Variants in EZH1 observed in about 807,000 individuals in gnomAD.
The protein encoded by EZH1 is enhancer of zeste 1 polycomb repressive complex 2 subunit.
Under a neutral mutation model 100.5 loss-of-function variants are expected in EZH1, and 33 were observed. The ratio of observed to expected loss-of-function variants is 0.33; its 90% CI spans 0.25 to 0.44. EZH1 has a LOEUF of 0.44. Ranked by LOEUF, EZH1 falls within the 20% of genes least tolerant of loss-of-function variation. The probability of loss-of-function intolerance (pLI) is 1.00; values close to 1 mark genes in which losing one functional copy is unlikely to be tolerated. For synonymous variants in EZH1, 272 were observed against 313.8 expected (o/e 0.87, Z 1.41); for missense variants, 475 against 928.4 (o/e 0.51, Z 6.35).
chr17:42,725,968 T>TC (rs2143821065), intron 4 of EZH1, among the ~76,000 whole-genome samples: 1 of 151,836 alleles, frequency 6.6e-6, no homozygotes, highest in African/African-American at 2.4e-5. Flanking sequence ...AACCTCCGCC[T>TC]CCCAGGTTCA....
chr17:42,718,009 T>C lies in EZH1; in HGVS notation c.990A>G (p.Pro330=). 6.2e-7 allele frequency: 1 copy of C among 1,614,232 alleles called. No individual in the cohort carries two copies. Among genetic ancestry groups the C allele is most frequent in the East Asian group, 2.2e-5 (1 of 44,886 alleles). The change falls in exon 10 of 21, where the codon CCA becomes CCG. Residue 330 remains proline, a synonymous_variant. Transcript: ENST00000428826. This position sits in a 1 kb window ranked among gnomAD's most constrained non-coding sequence, Gnocchi z 4.2. ...GGAAGCAGTCTGTGCCACATGGTTC[T>C]GGTTCAATCTTGATTTCTTTATTCT... is the stretch of plus-strand genomic sequence containing the variant. The part of the protein sequence containing the change: ...KRKNKEIKIE[P]EPCGTDCFLL...
intron 12 of EZH1, 118 bp downstream of exon 12, chr17:42,712,171 T>C: frequency 9.1e-7 from 1 of 1,098,970 alleles, no homozygotes; most frequent in Non-Finnish European, 1.3e-6. Context: ...CATCAGGGAC[T>C]GAACTTAAGA....
chr17:42,723,365 C>T (rs1475630400), intron 5 of EZH1, among the ~76,000 whole-genome samples: 1 of 122,260 alleles, frequency 8.2e-6, no homozygotes, highest in Non-Finnish European at 1.7e-5. Flanking sequence ...CACAGTGAGA[C>T]TCCGTCTCAA....
intron 2 of EZH1, among the ~76,000 whole-genome samples, 183 bp downstream of exon 2, chr17:42,730,645 C>A (rs12938365): frequency 0.48 from 71,396 of 149,658 alleles, 17,164 homozygotes; most frequent in Non-Finnish European, 0.53. Flanking sequence ...TACAGGCGCC[C>A]GCTACCACGC....
intron 6 of EZH1, among the ~76,000 whole-genome samples, chr17:42,721,356 T>C (rs1168498199): frequency 6.6e-6 from 1 of 152,170 alleles, no homozygotes. Flanking sequence ...TATGACTAAA[T>C]CCAAACAATT....
intron 6 of EZH1, among the ~76,000 whole-genome samples, chr17:42,720,886 G>A (rs2053693183): frequency 6.6e-6 from 1 of 152,052 alleles, no homozygotes; most frequent in South Asian, 2.1e-4. Context: ...CCAGACCTCA[G>A]GTGATCCGCC....
chr17:42,743,988 G>A (rs930875038), intron 1 of EZH1, among the ~76,000 whole-genome samples: 1 of 152,090 alleles, frequency 6.6e-6, no homozygotes, highest in Non-Finnish European at 1.5e-5. Flanking sequence ...GGCAGCAAAC[G>A]TGGAGGAGAC....
chr17:42,706,474 C>T lies in EZH1; in HGVS notation c.1661-289G>A, dbSNP rs2053355861. On this transcript the variant is annotated intron_variant, in intron 15 of 20. Coordinates refer to ENST00000428826, the MANE Select transcript of EZH1 (RefSeq NM_001991.5). The surrounding 1 kb of genome is among the most constrained non-coding windows in gnomAD (Gnocchi z 4.4). ...CCAAGGCAGGAGAATCACCTGAGCC[C>T]AGGAGTTCAAAACCAGGCTGGGCAA... 6.6e-6 allele frequency among the ~76,000 whole-genome samples: 1 copy of T among 151,716 alleles called. No homozygotes were observed. The highest frequency in any genetic ancestry group is 2.1e-4 in the South Asian group (1 of 4,802).
At chr17:42,735,299 C>A (rs60963845) in intron 1 of EZH1, among the ~76,000 whole-genome samples, 5,862 of 151,708 alleles carry the variant, frequency 0.039, 339 homozygotes, top group African/African-American at 0.12. Context: ...TTGGCACACA[C>A]CTGAAACTCA....
intron 10 of EZH1, among the ~76,000 whole-genome samples, chr17:42,717,545 G>A (rs2053628854): frequency 1.3e-5 from 2 of 152,106 alleles, no homozygotes; most frequent in Admixed American, 1.3e-4. Context: ...GCTTCTTAAG[G>A]TCTGTCCATC....
chr17:42,704,655 C>T lies in EZH1; in HGVS notation c.1964G>A (p.Arg655His). Residue 655 changes from arginine (R) to histidine (H), a missense_variant, in exon 18 of 21, where the codon CGC becomes CAC. Arg to His is a conservative substitution (Grantham distance 29, BLOSUM62 0). Around this residue, in one of 8 missense-constraint regions of EZH1, gnomAD observed 49 missense variants for 164.2 expected, o/e 0.30. Transcript: ENST00000428826. ...ELISQDEADR[R>H]GKVYDKYMSS... ...CATGTATTTGTCATAGACCTTTCCG[C>T]GTCGATCAGCCTCATCCTGAGAGAT... 6.2e-7 allele frequency: 1 copy of T among 1,613,988 alleles called. No homozygotes were observed. Among genetic ancestry groups the T allele is most frequent in the Non-Finnish European group, 8.5e-7 (1 of 1,179,968 alleles).
In EZH1 at chr17:42,718,276, G is replaced by A. The variant is rs775995681; in HGVS notation, c.931+178C>T. The A allele has an allele frequency of 1.2e-5, 11 of 900,010 alleles. No homozygotes were observed. The highest frequency in any genetic ancestry group is 1.8e-5 in the Non-Finnish European group (11 of 601,760). The allele number at this position is 900,010 out of a possible 1,614,324, so 55.8% of individuals were successfully genotyped here. On this transcript the variant is annotated intron_variant, in intron 9 of 20. Coordinates refer to ENST00000428826, the MANE Select transcript of EZH1 (RefSeq NM_001991.5). This position sits in a 1 kb window ranked among gnomAD's most constrained non-coding sequence, Gnocchi z 4.2. ...GGACAGATAAGTTGCTAGTTAGTCT[G>A]TCCCTATCATGCAAAGCATGTTGCA...
chr17:42,733,385 C>A (rs941568298), intron 1 of EZH1, among the ~76,000 whole-genome samples: 1 of 150,562 alleles, frequency 6.6e-6, no homozygotes, highest in Non-Finnish European at 1.5e-5. Context: ...CGCCTGTAAT[C>A]CCAGCCAGCA....
rs528552438 is a variant in EZH1 at position 42,735,093 on chromosome 17, G to T, written c.-102-4175C>A. Among the ~76,000 whole-genome samples the T allele has an allele frequency of 1.2e-3, 177 of 152,286 alleles. 1 individual carries two copies. The highest frequency in any genetic ancestry group is 1.8e-3 in the Non-Finnish European group (120 of 68,018). ...GCAGGGAGGGAAAGAAAAGAAAAAA[G>T]AAGTATTAAGTAATGGAATAGAACA... On this transcript the variant is annotated intron_variant, in intron 1 of 20. Transcript: ENST00000428826.
At chr17:42,735,933 C>T (rs2054056707) in intron 1 of EZH1, among the ~76,000 whole-genome samples, 1 of 151,756 alleles carries the variant, frequency 6.6e-6, no homozygotes, top group Admixed American at 6.6e-5. Context: ...TGCAGTGGGC[C>T]AAAATCGTGC....
rs1788663134 is a variant in EZH1, at chr17:42,702,223, G to A, written c.*309C>T. On this transcript the variant is annotated 3_prime_UTR_variant, in exon 21 of 21. Transcript: ENST00000428826. ...TTGATTCCTGAGGCCACAGCCTGGG[G>A]AGCCGACACGAAATCACGCATAAGT... 2 of 308,048 alleles carry A rather than the reference G, an allele frequency of 6.5e-6. No individual in the cohort carries two copies. The highest frequency in any genetic ancestry group is 1.1e-4 in the South Asian group (1 of 9,032). The allele number at this position is 308,048 out of a possible 1,614,324, so 19.1% of individuals were successfully genotyped here.
At chr17:42,725,165 C>CA (rs1054965483) in intron 4 of EZH1, among the ~76,000 whole-genome samples, 31 of 151,190 alleles carry the variant, frequency 2.1e-4, no homozygotes, top group Middle Eastern at 6.8e-3. Context: ...TACTCCGTCT[C>CA]AAAAAAAACA....
At chr17:42,730,099 A>G (rs2053911161) in intron 2 of EZH1, among the ~76,000 whole-genome samples, 1 of 152,158 alleles carries the variant, frequency 6.6e-6, no homozygotes, top group South Asian at 2.1e-4. Flanking sequence ...ATTTCACATC[A>G]GCAATTTGTG....
chr17:42,713,331 C>T lies in EZH1; in HGVS notation c.1082G>A (p.Arg361His), dbSNP rs1396223464. Residue 361 changes from arginine (R) to histidine (H), a missense_variant, in exon 11 of 21, where the codon CGC becomes CAC. By Grantham distance (29) the Arg-to-His change is conservative. Coordinates refer to ENST00000428826, the MANE Select transcript of EZH1 (RefSeq NM_001991.5). Reference sequence around the variant, plus strand: ...ACTGACTATGTGGTGCCTTCTCCGGCGACGACCAGAGCACTTGGAGCGGGG... The same window carrying T: ...ACTGACTATGTGGTGCCTTCTCCGGTGACGACCAGAGCACTTGGAGCGGGG... ...HNPRSKCSGR[R>H]RRRHHIVSAS... The T allele has an allele frequency of 1.9e-6, 3 of 1,612,062 alleles. No individual in the cohort carries two copies. The highest frequency in any genetic ancestry group is 1.7e-5 in the Admixed American group (1 of 59,968).
Sources: gnomAD v4.1 joint callset for allele counts (sites outside exome capture counted in the v4.1 genomes callset) on GRCh38, gnomAD v4.1.1 for gene constraint, gnomAD v4.1.1 regional missense constraint, Gnocchi (gnomAD v3.1) non-coding constraint, MANE v1.5 for transcripts, NCBI Gene and HGNC (gene_info 2026-07-23, HGNC 2026-07-21) for gene names.